The following DSCAM variants were observed in gnomAD, a reference collection of about 807,000 sequenced individuals.
DSCAM encodes the protein DS cell adhesion molecule.
Under a neutral mutation model 217.7 loss-of-function variants are expected in DSCAM, and 47 were observed. The observed-to-expected ratio is 0.22, with a 90% confidence interval of 0.17 to 0.28. The LOEUF is 0.28. Ranked by LOEUF, DSCAM falls within the 10% of genes least tolerant of loss-of-function variation. DSCAM has a pLI of 1.00. For missense variants in DSCAM, 2,080 were observed against 2,618.3 expected, an observed-to-expected ratio of 0.79 and a Z score of 4.49; for synonymous variants, 1,056 against 1,015.3, an observed-to-expected ratio of 1.04 and a Z score of -0.76.
chr21:40,621,944 AAAG>A (rs1238421100), intron 3 of DSCAM, among the ~76,000 whole-genome samples: 16 of 145,516 alleles, frequency 1.1e-4, no homozygotes, highest in African/African-American at 1.8e-4. Context: ...AAGGAAGAAA[AAAG>A]AAAGGAAGGA....
chr21:40,045,504 TAAG>T lies in DSCAM; in HGVS notation c.5186-1232_5186-1230del, dbSNP rs549302554. On this transcript the variant is annotated intron_variant, in intron 30 of 32. Transcript: ENST00000400454. ...TTCTTAGCTCAACCCTTTGGTGAGG[TAAG>T]AAGAAGGATGTTCCACCAGCAGAGA... Among the ~76,000 whole-genome samples, 308 of 152,238 alleles carry T rather than the reference TAAG, an allele frequency of 2.0e-3. 2 individuals are homozygous for T. Among genetic ancestry groups the T allele is most frequent in the African/African-American group, 7.0e-3 (289 of 41,538 alleles).
chr21:40,286,971 G>T (rs967668291), intron 10 of DSCAM, among the ~76,000 whole-genome samples: 6 of 147,088 alleles, frequency 4.1e-5, no homozygotes, highest in African/African-American at 1.4e-4. Flanking sequence ...TCTGCAGTGT[G>T]ATTGCAGTGT....
At chr21:40,259,930 T>G (rs1197818195) in intron 11 of DSCAM, among the ~76,000 whole-genome samples, 1 of 152,058 alleles carries the variant, frequency 6.6e-6, no homozygotes, top group East Asian at 1.9e-4. Flanking sequence ...GATTTCACTG[T>G]GTTAGCCAGG....
intron 1 of DSCAM, among the ~76,000 whole-genome samples, chr21:40,755,703 T>G (rs1243521291): frequency 1.3e-5 from 2 of 152,182 alleles, no homozygotes; most frequent in Non-Finnish European, 2.9e-5. Context: ...GCGAGTTGTG[T>G]AGGGGATTCC....
chr21:40,308,795 A>T (rs1418593536), intron 9 of DSCAM, among the ~76,000 whole-genome samples: 2 of 152,150 alleles, frequency 1.3e-5, no homozygotes, highest in Non-Finnish European at 2.9e-5. Flanking sequence ...TAAATGTGTT[A>T]CCTGTTACTC....
intron 1 of DSCAM, among the ~76,000 whole-genome samples, chr21:40,718,445 A>G (rs115909608): frequency 2.6e-4 from 39 of 152,364 alleles, no homozygotes; most frequent in African/African-American, 8.9e-4. Context: ...GGAAGCCACA[A>G]AATCCTGGTG....
intron 5 of DSCAM, among the ~76,000 whole-genome samples, chr21:40,352,342 T>A (rs1046464078): frequency 1.3e-5 from 2 of 152,342 alleles, no homozygotes. Context: ...CATTATTTTA[T>A]CCACATGATT....
intron 3 of DSCAM, among the ~76,000 whole-genome samples, chr21:40,391,002 G>A (rs1331820643): frequency 2.6e-5 from 4 of 152,250 alleles, no homozygotes; most frequent in South Asian, 4.1e-4. Context: ...TGTATCTATG[G>A]TTCTTTGCAA....
intron 1 of DSCAM, among the ~76,000 whole-genome samples, chr21:40,712,331 C>T (rs953058934): frequency 5.1e-4 from 78 of 151,914 alleles, no homozygotes; most frequent in African/African-American, 1.7e-3. Flanking sequence ...GGCACGGTGG[C>T]GGGCGCCTGT....
chr21:40,154,193 C>T (rs142820088), intron 16 of DSCAM, among the ~76,000 whole-genome samples: 11 of 151,144 alleles, frequency 7.3e-5, no homozygotes, highest in Non-Finnish European at 1.3e-4. Flanking sequence ...TCCTTCCTTC[C>T]TTCCTTCCTC....
At chr21:40,247,048 C>G (rs2073235716) in intron 11 of DSCAM, among the ~76,000 whole-genome samples, 1 of 152,020 alleles carries the variant, frequency 6.6e-6, no homozygotes, top group African/African-American at 2.4e-5. Context: ...AGCGCAAATC[C>G]CTGATAAACC....
At chr21:40,731,564 T>A (rs2091011353) in intron 1 of DSCAM, among the ~76,000 whole-genome samples, 1 of 152,234 alleles carries the variant, frequency 6.6e-6, no homozygotes, top group African/African-American at 2.4e-5. Context: ...TGGTTTGTTC[T>A]GAGGCTTCTC....
chr21:40,620,386 GAGAA>G (rs1555872443), intron 3 of DSCAM, among the ~76,000 whole-genome samples: 6,915 of 91,528 alleles, frequency 0.076, 675 homozygotes, highest in South Asian at 0.1. Flanking sequence ...AAGAAAGAAA[GAGAA>G]AGAAAGAAAG....
At chr21:40,490,156 A>G (rs2076064828) in intron 3 of DSCAM, among the ~76,000 whole-genome samples, 1 of 152,168 alleles carries the variant, frequency 6.6e-6, no homozygotes, top group Admixed American at 6.5e-5. Flanking sequence ...CTTATTCATT[A>G]TCATGAGAAC....
intron 1 of DSCAM, among the ~76,000 whole-genome samples, chr21:40,722,006 AG>A (rs2090906242): frequency 6.6e-6 from 1 of 152,096 alleles, no homozygotes; most frequent in Admixed American, 6.5e-5. Context: ...ACAGAAGACA[AG>A]GGGAGAGAAA....
At chr21:40,726,314 T>C (rs1322398511) in intron 1 of DSCAM, among the ~76,000 whole-genome samples, 1 of 152,168 alleles carries the variant, frequency 6.6e-6, no homozygotes, top group Non-Finnish European at 1.5e-5. Context: ...ATATACTATG[T>C]GGCTCAGCTG....
At chr21:40,041,521 C>T (rs1054474615) in intron 32 of DSCAM, among the ~76,000 whole-genome samples, 22 of 152,184 alleles carry the variant, frequency 1.4e-4, no homozygotes, top group African/African-American at 4.8e-4. Context: ...GATCAGTTGG[C>T]AGGGCCTTGC....
At chr21:40,566,024 G>T (rs555394776) in intron 3 of DSCAM, among the ~76,000 whole-genome samples, 1 of 152,284 alleles carries the variant, frequency 6.6e-6, no homozygotes, top group Admixed American at 6.5e-5. Context: ...AACCAAAAGG[G>T]TTTAAGTCTA....
chr21:40,321,242 A>G (rs1055540504), intron 8 of DSCAM, among the ~76,000 whole-genome samples: 2 of 152,036 alleles, frequency 1.3e-5, no homozygotes, highest in African/African-American at 4.8e-5. Flanking sequence ...GTTGACTCCT[A>G]ATCTAAATTT....
Sources: gnomAD v4.1 joint callset for allele counts (sites outside exome capture counted in the v4.1 genomes callset) on GRCh38, gnomAD v4.1.1 for gene constraint, MANE v1.5 for transcripts, NCBI Gene and HGNC (gene_info 2026-07-23, HGNC 2026-07-21) for gene names.